The following TOP2B variants were observed in gnomAD, a reference collection of about 807,000 sequenced individuals.
TOP2B encodes DNA topoisomerase II beta.
Under a neutral mutation model 193.5 loss-of-function variants are expected in TOP2B, and 51 were observed. The observed-to-expected ratio is 0.26, with a 90% CI of 0.21 to 0.33. The LOEUF is 0.33. Among genes scored for constraint, TOP2B ranks in the 10% least tolerant of loss-of-function variants. TOP2B has a pLI of 1.00. For synonymous variants in TOP2B, 634 were observed against 635.7 expected, an observed-to-expected ratio of 1.00 and a Z score of 0.04; for missense variants, 1,378 against 1,909.3, an observed-to-expected ratio of 0.72 and a Z score of 5.19.
chr3:25,597,910 G>GAATAA (rs1701950547), downstream of TOP2B: 1 of 153,466 alleles, frequency 6.5e-6, no homozygotes, highest in Admixed American at 6.5e-5. Flanking sequence ...TCCTGGCAAA[G>GAATAA]AATAAAATAT....
rs575840134 is a variant in TOP2B, at chr3:25,651,850, G to A, written c.70-6380C>T. ...ACTGTACTTCAGCCTGGACAACAGA[G>A]GGAGATTGTGTCTCAAAAAAAAAAA... On this transcript the variant is annotated intron_variant, in intron 1 of 35. Coordinates refer to ENST00000264331, the MANE Select transcript of TOP2B (RefSeq NM_001330700.2). Among the ~76,000 whole-genome samples the A allele has an allele frequency of 2.0e-3, 300 of 151,200 alleles. 2 individuals carry two copies. Among genetic ancestry groups the A allele is most frequent in the Non-Finnish European group, 3.6e-3 (245 of 67,844 alleles).
intron 33 of TOP2B, 79 bp downstream of exon 33, chr3:25,604,681 A>C (rs1702191232): frequency 8.4e-7 from 1 of 1,186,286 alleles, no homozygotes; most frequent in African/African-American, 1.5e-5. Flanking sequence ...AAATGCAAAT[A>C]GTTTCAAATT....
chr3:25,658,964 G>C (rs1703830610), intron 1 of TOP2B, among the ~76,000 whole-genome samples: 1 of 152,156 alleles, frequency 6.6e-6, no homozygotes. Flanking sequence ...GGGTAAAGGA[G>C]ATGGTTTGCC....
In TOP2B at chr3:25,664,790, T is replaced by G; in HGVS notation, c.-493A>C. 1 of 986,820 alleles carries G rather than the reference T, an allele frequency of 1.0e-6. No individual in the cohort carries two copies. Among genetic ancestry groups the G allele is most frequent in the Non-Finnish European group, 1.2e-6 (1 of 829,148 alleles). The allele number at this position is 986,820 out of a possible 1,614,324, so 61.1% of individuals were successfully genotyped here. On this transcript the variant is annotated 5_prime_UTR_variant, in exon 1 of 36. Coordinates refer to ENST00000264331, the MANE Select transcript of TOP2B (RefSeq NM_001330700.2). ...CGCCGCCGCTGCTTCAAAGGCAGCC[T>G]TAGCCTCGCTGCAGCCCCGATTTCC...
intron 10 of TOP2B, 104 bp from the exon 11 acceptor site, chr3:25,631,043 G>T: frequency 1.0e-6 from 1 of 965,484 alleles, no homozygotes; most frequent in Non-Finnish European, 1.4e-6. Flanking sequence ...CAATTTTAAG[G>T]TATTTTAGGG....
intron 8 of TOP2B, 89 bp downstream of exon 8, chr3:25,633,752 G>C: frequency 1.7e-6 from 2 of 1,181,946 alleles, no homozygotes; most frequent in South Asian, 4.2e-5. Flanking sequence ...TGGGTTTTTT[G>C]GGGGTTGTGG....
At chr3:25,623,378 A>G in intron 21 of TOP2B, 137 bp downstream of exon 21, 1 of 770,774 alleles carries the variant, frequency 1.3e-6, no homozygotes, top group Non-Finnish European at 2.1e-6. Flanking sequence ...GCACATATCA[A>G]ATTATACCCT....
At chr3:25,644,976 A>AT (rs1703374538) in intron 2 of TOP2B, among the ~76,000 whole-genome samples, 3 of 144,540 alleles carry the variant, frequency 2.1e-5, no homozygotes, top group South Asian at 2.3e-4. Context: ...TTTTTTTTGT[A>AT]TTTTTTTGTA....
At chr3:25,654,291 C>T (rs774832574) in intron 1 of TOP2B, among the ~76,000 whole-genome samples, 10 of 151,994 alleles carry the variant, frequency 6.6e-5, no homozygotes, top group Admixed American at 6.6e-5. Context: ...ATGCAGTAAC[C>T]ATGACCAATC....
At chr3:25,640,126 A>G (rs1315004975) in intron 4 of TOP2B, among the ~76,000 whole-genome samples, 3 of 152,200 alleles carry the variant, frequency 2.0e-5, no homozygotes, top group Admixed American at 6.5e-5. Context: ...CAAAAATTGC[A>G]CCTCTGAAAT....
intron 9 of TOP2B, 50 bp downstream of exon 9, chr3:25,632,643 T>C: frequency 1.2e-6 from 2 of 1,600,866 alleles, no homozygotes; most frequent in East Asian, 2.2e-5. Context: ...ATTCAGTATA[T>C]ATATAATGCA....
rs532274919 is a variant in TOP2B, at chr3:25,611,157, G to A, written c.3786+1358C>T. On this transcript the variant is annotated intron_variant, in intron 28 of 35. Transcript: ENST00000264331. ...AGGAACACAGATTTAGGGGCCATCA[G>A]TATGAATGGAATAAGCTCTGGGCAT... Among the ~76,000 whole-genome samples the A allele has an allele frequency of 5.1e-4, 77 of 152,318 alleles. 1 individual carries two copies. The South Asian group carries it at 8.5e-3, about 17-fold the overall frequency.
At position 25,620,757 on chromosome 3, in the gene TOP2B, T is replaced by C; in HGVS notation, c.2787A>G (p.Ala929=). ...CCACTACAAATATTTCACCACTGACTGCATACTGGTTTTGACCAAGTTCTT... is the reference window on the plus strand; with the variant it reads ...CCACTACAAATATTTCACCACTGACCGCATACTGGTTTTGACCAAGTTCTT... ...TIQELGQNQY[A]VSGEIFVVDR... is the part of the protein sequence containing the mutation. Residue 929 remains alanine (A), a synonymous_variant, in exon 22 of 36, where the codon GCA becomes GCG. Transcript: ENST00000264331. The C allele has an allele frequency of 6.2e-7, 1 of 1,613,554 alleles. No individual in the cohort carries two copies. The highest frequency in any genetic ancestry group is 8.5e-7 in the Non-Finnish European group (1 of 1,179,660).
At chr3:25,645,543 G>T in intron 1 of TOP2B, 73 bp from the exon 2 acceptor site, 2 of 1,162,962 alleles carry the variant, frequency 1.7e-6, no homozygotes, top group South Asian at 2.2e-5. Context: ...ACACGACATG[G>T]GTTTTCTTTT....
At chr3:25,652,148 A>C (rs996324957) in intron 1 of TOP2B, among the ~76,000 whole-genome samples, 2 of 152,362 alleles carry the variant, frequency 1.3e-5, no homozygotes, top group East Asian at 3.9e-4. Context: ...TAAGATATGC[A>C]TCTAACATTA....
At chr3:25,599,620 G>A (rs899076098) in intron 34 of TOP2B, 91 bp from the exon 35 acceptor site, 3 of 1,227,668 alleles carry the variant, frequency 2.4e-6, no homozygotes, top group Non-Finnish European at 3.4e-6. Flanking sequence ...TCTTTGGCAT[G>A]CCCAATCAGT....
intron 8 of TOP2B, 86 bp downstream of exon 8, chr3:25,633,755 G>C: frequency 1.7e-6 from 2 of 1,202,566 alleles, no homozygotes; most frequent in Non-Finnish European, 2.2e-6. Context: ...GTTTTTTGGG[G>C]GTTGTGGATA....
At chr3:25,661,870 GAAGA>G (rs917034901) in intron 1 of TOP2B, among the ~76,000 whole-genome samples, 4 of 152,106 alleles carry the variant, frequency 2.6e-5, no homozygotes, top group Admixed American at 1.3e-4. Flanking sequence ...TCCTCACCCA[GAAGA>G]AAGAAATCAG....
At chr3:25,653,186 T>C (rs1054648135) in intron 1 of TOP2B, among the ~76,000 whole-genome samples, 2 of 152,162 alleles carry the variant, frequency 1.3e-5, no homozygotes, top group Non-Finnish European at 2.9e-5. Context: ...TGGCTTCACT[T>C]GAAAATTCTA....
Sources: gnomAD v4.1 joint callset for allele counts (sites outside exome capture counted in the v4.1 genomes callset) on GRCh38, gnomAD v4.1.1 for gene constraint, MANE v1.5 for transcripts, NCBI Gene and HGNC (gene_info 2026-07-23, HGNC 2026-07-21) for gene names.